Variants in CCDC150 observed in about 807,000 individuals in gnomAD.
The protein encoded by CCDC150 is coiled-coil domain containing 150.
A neutral mutation model predicts 156.5 loss-of-function variants in CCDC150; 151 were observed. That is an observed-to-expected ratio of 0.97 (90% CI 0.85 to 1.10). The LOEUF (loss-of-function observed/expected upper bound fraction) is 1.10, where lower values mean the gene tolerates loss of function less well. CCDC150 is among the 50% of genes least tolerant of loss of function. CCDC150 has a pLI of 0.00. For synonymous variants in CCDC150, 452 were observed against 429.4 expected (o/e 1.05, Z -0.65); for missense variants, 1,312 against 1,268.1 (o/e 1.03, Z -0.53).
At chr2:196,641,576 C>T (rs1318727451) in intron 1 of CCDC150, among the ~76,000 whole-genome samples, 1 of 152,124 alleles carries the variant, frequency 6.6e-6, no homozygotes. Flanking sequence ...CACTTATCAC[C>T]AATAAACAAA....
At chr2:196,698,420 TG>T (rs2125658966) in intron 14 of CCDC150, among the ~76,000 whole-genome samples, 1 of 152,334 alleles carries the variant, frequency 6.6e-6, no homozygotes, top group East Asian at 1.9e-4. Context: ...TGCCTTTGCC[TG>T]AAAGAGGGAA....
intron 15 of CCDC150, among the ~76,000 whole-genome samples, chr2:196,706,825 G>A (rs537312714): frequency 7.3e-4 from 111 of 152,292 alleles, no homozygotes; most frequent in Non-Finnish European, 1.1e-3. Context: ...ATTGGTTTGT[G>A]TATGTTGAAC....
chr2:196,641,082 C>G (rs1692195958), intron 1 of CCDC150, among the ~76,000 whole-genome samples: 2 of 152,220 alleles, frequency 1.3e-5, no homozygotes, highest in Admixed American at 1.3e-4. Context: ...CCTGCCTCAG[C>G]CATCCGAGTA....
intron 2 of CCDC150, among the ~76,000 whole-genome samples, chr2:196,653,891 A>G (rs960096332): frequency 1.3e-5 from 2 of 152,218 alleles, no homozygotes; most frequent in Admixed American, 6.5e-5. Context: ...TGCAGGCTAA[A>G]AAGCATGGCA....
intron 15 of CCDC150, among the ~76,000 whole-genome samples, chr2:196,703,272 C>T (rs112003970): frequency 4.6e-5 from 7 of 152,166 alleles, no homozygotes; most frequent in South Asian, 2.1e-4. Flanking sequence ...AGGATAGGGC[C>T]CAGAAATAGC....
At chr2:196,655,920 G>T (rs1693160004) in intron 2 of CCDC150, among the ~76,000 whole-genome samples, 1 of 152,120 alleles carries the variant, frequency 6.6e-6, no homozygotes, top group Non-Finnish European at 1.5e-5. Context: ...CGTTCAGGCT[G>T]CCAAAGGTTA....
chr2:196,660,148 A>G (rs570743631), intron 5 of CCDC150, among the ~76,000 whole-genome samples: 37 of 152,182 alleles, frequency 2.4e-4, no homozygotes, highest in Non-Finnish European at 5.0e-4. Context: ...TCAGTAACTC[A>G]TTTCTTTATA....
intron 13 of CCDC150, among the ~76,000 whole-genome samples, chr2:196,685,262 A>C (rs1695056517): frequency 6.6e-6 from 1 of 152,190 alleles, no homozygotes; most frequent in South Asian, 2.1e-4. Flanking sequence ...CCTTTTATAT[A>C]CACCTATGTT....
At chr2:196,697,677 A>G (rs1346327852) in intron 14 of CCDC150, among the ~76,000 whole-genome samples, 2 of 152,204 alleles carry the variant, frequency 1.3e-5, no homozygotes, top group Admixed American at 1.3e-4. Flanking sequence ...AATATTTTGA[A>G]TAAAAAATTC....
chr2:196,691,868 G>A (rs1325998618), intron 13 of CCDC150, among the ~76,000 whole-genome samples: 1 of 152,122 alleles, frequency 6.6e-6, no homozygotes, highest in African/African-American at 2.4e-5. Context: ...TTGAACCTGG[G>A]AGTCGGAGGT....
intron 15 of CCDC150, among the ~76,000 whole-genome samples, chr2:196,711,107 C>T (rs1381489002): frequency 6.6e-6 from 1 of 152,086 alleles, no homozygotes; most frequent in South Asian, 2.1e-4. Flanking sequence ...CTTGGTTTAC[C>T]TTGTTTTTTA....
intron 23 of CCDC150, 63 bp downstream of exon 23, chr2:196,729,450 G>A: frequency 4.0e-6 from 6 of 1,498,662 alleles, no homozygotes; most frequent in Non-Finnish European, 5.5e-6. Context: ...AGTCAATGGT[G>A]TCTAGGGAAG....
intron 17 of CCDC150, chr2:196,713,019 C>A (rs537347619): frequency 4.2e-6 from 2 of 478,728 alleles, no homozygotes; most frequent in South Asian, 3.6e-5. Flanking sequence ...TGTATCTATA[C>A]CCCTGGTAAC....
chr2:196,676,260 G>C lies in CCDC150; in HGVS notation c.1255G>C (p.Ala419Pro), dbSNP rs992877468. The change falls in exon 11 of 28, where the codon GCA (alanine) becomes CCA (proline). Residue 419 changes from alanine (A) to proline (P), a missense_variant. Physicochemically the swap from Ala to Pro is conservative, Grantham distance 27. Transcript: ENST00000389175. ...TVQNEKTQLQ[A>P]HLDHLILEHN... is the part of the protein sequence containing the mutation. Reference sequence around the variant, plus strand: ...TCAGAATGAGAAAACCCAACTCCAGGCACATCTGTAAGTAAATTATGGGCA... The same window carrying C: ...TCAGAATGAGAAAACCCAACTCCAGCCACATCTGTAAGTAAATTATGGGCA... 4.5e-5 allele frequency: 72 copies of C among 1,613,090 alleles called. No individual in the cohort carries two copies. Among genetic ancestry groups the C allele is most frequent in the Non-Finnish European group, 6.0e-5 (71 of 1,179,534 alleles).
chr2:196,675,716 G>A (rs978930437), intron 10 of CCDC150, among the ~76,000 whole-genome samples: 1 of 152,130 alleles, frequency 6.6e-6, no homozygotes, highest in African/African-American at 2.4e-5. Flanking sequence ...TAGAATGTGG[G>A]ATTATTTGGA....
intron 8 of CCDC150, among the ~76,000 whole-genome samples, chr2:196,671,427 C>CT (rs397987214): frequency 0.53 from 57,604 of 108,718 alleles, 18,604 homozygotes; most frequent in East Asian, 0.74. Context: ...TTTTCTCTCT[C>CT]TTTTTTTTTT....
chr2:196,642,530 A>T (rs563660200), intron 1 of CCDC150, among the ~76,000 whole-genome samples: 1 of 152,272 alleles, frequency 6.6e-6, no homozygotes. Flanking sequence ...TTCTTATCTC[A>T]TACTTTAACA....
chr2:196,720,793 G>A (rs1697834628), intron 20 of CCDC150, 125 bp downstream of exon 20: 1 of 808,844 alleles, frequency 1.2e-6, no homozygotes, highest in African/African-American at 1.7e-5. Context: ...CTGAGTTTTG[G>A]ACAGTGACAT....
Position 196,701,123 on chromosome 2 carries a change from G to T in CCDC150, c.1638G>T (p.Lys546Asn). 5 of 1,608,542 alleles carry T rather than the reference G, an allele frequency of 3.1e-6. No individual in the cohort carries two copies. Among genetic ancestry groups the T allele is most frequent in the Admixed American group, 3.4e-5 (2 of 59,336 alleles). ...TGCCTTATCAGCTTGCCCAACAGAA[G>T]GTGGAAAAAATCACTGAAAGTAAAA... ...TSDYHGLAQQ[K>N]VEKITESKNK... The change falls in exon 15 of 28, where the codon AAG becomes AAT. Residue 546 changes from lysine to asparagine, a missense_variant. Physicochemically the swap from Lys to Asn is moderately conservative, Grantham distance 94. Transcript: ENST00000389175.
Sources: allele counts gnomAD v4.1 joint callset (sites outside exome capture counted in the v4.1 genomes callset), GRCh38; gene constraint gnomAD v4.1.1; transcripts MANE v1.5; gene names NCBI Gene and HGNC (gene_info 2026-07-23, HGNC 2026-07-21).